The following UGT1A5 variants were observed in gnomAD, a reference collection of about 807,000 sequenced individuals.
The protein encoded by UGT1A5 is UDP glucuronosyltransferase family 1 member A5.
UGT1A5 carries 29 observed loss-of-function variants against 40.3 expected under a neutral mutation model. The observed-to-expected ratio is 0.72, with a 90% CI of 0.54 to 0.98. UGT1A5 has a LOEUF of 0.98. UGT1A5 is among the 50% of genes least tolerant of loss of function. The pLI, the probability that UGT1A5 is intolerant of heterozygous loss-of-function variation, is 0.00. For missense variants in UGT1A5, 678 were observed against 677.9 expected (o/e 1.00, Z 0.00); for synonymous variants, 257 against 262.5 (o/e 0.98, Z 0.20).
In UGT1A5 at chr2:233,719,743, A is replaced by T. The variant is rs568452098; in HGVS notation, c.867+5885A>T. 25 of 1,613,098 alleles carry T rather than the reference A, an allele frequency of 1.5e-5. No homozygotes were observed. In the East Asian group the frequency reaches 5.3e-4, roughly 35 times the overall value. ...TTCCAGGCAAAACACTTTTTAAAAA[A>T]TGTATTTACTTACAAGTGCTTCCAT... On this transcript the variant is annotated intron_variant, in intron 1 of 4. Coordinates refer to ENST00000373414, the MANE Select transcript of UGT1A5 (RefSeq NM_019078.2).
At chr2:233,730,293 G>T (rs1228640650) in intron 1 of UGT1A5, among the ~76,000 whole-genome samples, 1 of 152,186 alleles carries the variant, frequency 6.6e-6, no homozygotes, top group East Asian at 1.9e-4. Context: ...TCATGGTTGT[G>T]CATGTCCTTC....
rs750445799 is a variant in UGT1A5 at position 233,712,976 on chromosome 2, G to C, written c.-16G>C. ...AACGTGGGGTGGACAGTCAGCTGTC[G>C]GTGGCTTCTGCTGAGATGGCCACAG... On this transcript the variant is annotated 5_prime_UTR_variant, in exon 1 of 5. Coordinates refer to ENST00000373414, the MANE Select transcript of UGT1A5 (RefSeq NM_019078.2). The C allele has an allele frequency of 6.2e-7, 1 of 1,613,080 alleles. No homozygotes were observed. The highest frequency in any genetic ancestry group is 8.5e-7 in the Non-Finnish European group (1 of 1,180,028).
intron 1 of UGT1A5, chr2:233,760,350 C>T (rs1374994213): frequency 1.2e-6 from 2 of 1,613,944 alleles, no homozygotes; most frequent in African/African-American, 2.7e-5. Context: ...GTGTGCTGGG[C>T]CCAGTGGTGT....
At chr2:233,721,654 G>T in intron 1 of UGT1A5, 1 of 220,052 alleles carries the variant, frequency 4.5e-6, no homozygotes, top group Non-Finnish European at 9.3e-6. Context: ...GCAGTGGGGG[G>T]TCATGTAAGG....
chr2:233,743,841 G>A (rs768671945), intron 1 of UGT1A5: 2 of 1,367,168 alleles, frequency 1.5e-6, no homozygotes, highest in Admixed American at 3.8e-5. Flanking sequence ...TTGAGCGCCA[G>A]CTTGCGGTAC....
intron 1 of UGT1A5, chr2:233,721,885 A>G: frequency 2.0e-6 from 1 of 488,602 alleles, no homozygotes; most frequent in South Asian, 1.5e-5. Context: ...CAGCCCCTCC[A>G]TTGCAATATC....
intron 1 of UGT1A5, chr2:233,717,647 G>A (rs2076594921): frequency 1.2e-5 from 5 of 402,786 alleles, no homozygotes; most frequent in Admixed American, 5.2e-5. Context: ...GGGCGACCAG[G>A]ACAAGGAAGC....
At chr2:233,754,544 A>G in intron 1 of UGT1A5, 1 of 379,568 alleles carries the variant, frequency 2.6e-6, no homozygotes, top group Non-Finnish European at 5.2e-6. Context: ...GACTGGAATT[A>G]CTTGGTGTCA....
rs144094855 is a variant in UGT1A5 at position 233,720,325 on chromosome 2, G to A, written c.867+6467G>A. On this transcript the variant is annotated intron_variant, in intron 1 of 4. Coordinates refer to ENST00000373414, the MANE Select transcript of UGT1A5 (RefSeq NM_019078.2). ...GTCTGGTGTATGATGTGGGGACATC[G>A]TAGAGTTTGGAAGGTATGGTGATGG... Among the ~76,000 whole-genome samples the A allele has an allele frequency of 7.7e-4, 117 of 152,214 alleles. 2 individuals are homozygous for A. The highest frequency in any genetic ancestry group is 2.4e-3 in the African/African-American group (101 of 41,542).
chr2:233,714,048 G>C (rs2076362692), intron 1 of UGT1A5, among the ~76,000 whole-genome samples, 190 bp downstream of exon 1: 1 of 152,154 alleles, frequency 6.6e-6, no homozygotes, highest in Non-Finnish European at 1.5e-5. Flanking sequence ...GGTTTCAATG[G>C]CCACTGAGAG....
At chr2:233,713,888 G>A in intron 1 of UGT1A5, 30 bp downstream of exon 1, 1 of 1,613,420 alleles carries the variant, frequency 6.2e-7, no homozygotes, top group Non-Finnish European at 8.5e-7. Context: ...TCCAATCAAT[G>A]TTCCAGGCAA....
At chr2:233,737,942 T>G (rs866502344) in intron 1 of UGT1A5, among the ~76,000 whole-genome samples, 1 of 152,150 alleles carries the variant, frequency 6.6e-6, no homozygotes, top group Non-Finnish European at 1.5e-5. Flanking sequence ...GTCCATTGAC[T>G]GTTTCCCAAC....
At position 233,766,967 on chromosome 2, in the gene UGT1A5, A is replaced by G. The variant is rs907752763; in HGVS notation, c.868-67A>G. The G allele has an allele frequency of 1.5e-5, 24 of 1,609,126 alleles. No homozygotes were observed. The African/African-American group carries it at 3.1e-4, about 21-fold the overall frequency. On this transcript the variant is annotated intron_variant, in intron 1 of 4. Coordinates refer to ENST00000373414, the MANE Select transcript of UGT1A5 (RefSeq NM_019078.2). Reference sequence around the variant, plus strand: ...TTAAGAGGAAGATATCTAATTCATAACTTACTGTATGTAGTCATCAAAGAA... The same window carrying G: ...TTAAGAGGAAGATATCTAATTCATAGCTTACTGTATGTAGTCATCAAAGAA...
intron 1 of UGT1A5, among the ~76,000 whole-genome samples, chr2:233,764,304 G>T (rs1377470557): frequency 6.6e-6 from 1 of 152,130 alleles, no homozygotes; most frequent in Non-Finnish European, 1.5e-5. Context: ...TCAGGGTGAA[G>T]TTTAAGGGAA....
At chr2:233,736,562 G>T (rs1300440200) in intron 1 of UGT1A5, among the ~76,000 whole-genome samples, 1 of 152,158 alleles carries the variant, frequency 6.6e-6, no homozygotes, top group Non-Finnish European at 1.5e-5. Context: ...TGCTAGCAAG[G>T]AGCTGTGATC....
At position 233,719,049 on chromosome 2, in the gene UGT1A5, C is replaced by G. The variant is rs544702876; in HGVS notation, c.867+5191C>G. 2.5e-6 allele frequency: 4 copies of G among 1,614,286 alleles called. No individual in the cohort carries two copies. The East Asian group carries it at 6.7e-5, about 27-fold the overall frequency. ...CATCAAAGAAGAGAAATTTTTCACCCTGACAGCCTATGCTGTTCCATGGAC... is the reference window on the plus strand; with the variant it reads ...CATCAAAGAAGAGAAATTTTTCACCGTGACAGCCTATGCTGTTCCATGGAC... On this transcript the variant is annotated intron_variant, in intron 1 of 4. Transcript: ENST00000373414.
intron 1 of UGT1A5, chr2:233,747,520 CAG>C (rs1211118425): frequency 1.2e-6 from 2 of 1,606,826 alleles, no homozygotes; most frequent in African/African-American, 2.7e-5. Flanking sequence ...TACTTTGAAA[CAG>C]AACATTTTCT....
chr2:233,738,808 A>G (rs1190321536), intron 1 of UGT1A5: 3 of 152,254 alleles, frequency 2.0e-5, no homozygotes, highest in South Asian at 4.1e-4. Flanking sequence ...TACTAGCTAA[A>G]GAAATTTGAA....
chr2:233,741,619 C>T (rs901623616), intron 1 of UGT1A5: 6 of 151,836 alleles, frequency 4.0e-5, no homozygotes. Flanking sequence ...AGTGTCAGAC[C>T]CCATGAGCCC....
Sources: gnomAD v4.1 joint callset for allele counts (sites outside exome capture counted in the v4.1 genomes callset) on GRCh38, gnomAD v4.1.1 for gene constraint, MANE v1.5 for transcripts, NCBI Gene and HGNC (gene_info 2026-07-23, HGNC 2026-07-21) for gene names.